Variants in ZNF207 observed in about 807,000 individuals in gnomAD.
ZNF207 encodes BUB3-interacting and GLEBS motif-containing protein ZNF207.
ZNF207 carries 24 observed loss-of-function variants against 60.2 expected under a neutral mutation model. The ratio of observed to expected loss-of-function variants is 0.40; its 90% CI spans 0.29 to 0.56. The LOEUF (loss-of-function observed/expected upper bound fraction) is 0.56. Ranked by LOEUF, ZNF207 falls within the 20% of genes least tolerant of loss-of-function variation. The pLI, the probability that ZNF207 is intolerant of heterozygous loss-of-function variation, is 0.49. For missense variants in ZNF207, 452 were observed against 636.6 expected, an observed-to-expected ratio of 0.71 and a Z score of 3.12; for synonymous variants, 236 against 194.7, an observed-to-expected ratio of 1.21 and a Z score of -1.77.
chr17:32,360,825 A>G, intron 4 of ZNF207, 60 bp downstream of exon 4: 2 of 1,612,322 alleles, frequency 1.2e-6, no homozygotes, highest in Non-Finnish European at 1.7e-6. Context: ...ATTGTATCGA[A>G]GTATTACTTT....
intron 5 of ZNF207, 107 bp from the exon 6 acceptor site, chr17:32,361,361 C>T (rs571064054): frequency 2.6e-4 from 222 of 840,268 alleles, no homozygotes; most frequent in South Asian, 8.2e-4. Flanking sequence ...TGCTTGTGCC[C>T]ATCACTTTTA....
chr17:32,354,427 C>T (rs1025941091), intron 2 of ZNF207, among the ~76,000 whole-genome samples: 6 of 152,078 alleles, frequency 3.9e-5, no homozygotes, highest in African/African-American at 1.2e-4. Context: ...TCTTGTGCAT[C>T]AGCCTTCCAA....
intron 2 of ZNF207, among the ~76,000 whole-genome samples, chr17:32,352,822 A>T (rs2041531444): frequency 6.6e-6 from 1 of 152,144 alleles, no homozygotes; most frequent in Admixed American, 6.5e-5. Flanking sequence ...CGTTCTCCCA[A>T]AGCCCTGGGA....
intron 9 of ZNF207, among the ~76,000 whole-genome samples, 189 bp from the exon 10 acceptor site, chr17:32,367,578 TTAACC>T (rs1192901648): frequency 6.6e-6 from 1 of 152,078 alleles, no homozygotes; most frequent in African/African-American, 2.4e-5. Flanking sequence ...GGGTGTGACT[TTAACC>T]TAGCATCTTT....
intron 2 of ZNF207, among the ~76,000 whole-genome samples, chr17:32,356,645 A>G (rs899730332): frequency 6.6e-6 from 1 of 152,226 alleles, no homozygotes; most frequent in Admixed American, 6.5e-5. Flanking sequence ...TATCTAAGTC[A>G]TTAGCCTAAA....
intron 10 of ZNF207, chr17:32,368,259 A>T: frequency 1.9e-6 from 1 of 531,300 alleles, no homozygotes; most frequent in Non-Finnish European, 3.3e-6. Context: ...AGAAGACAGT[A>T]AGTCAGGTTC....
Position 32,369,184 on chromosome 17 carries a change from G to A in ZNF207, c.1165-111G>A, listed in dbSNP as rs182750253. On this transcript the variant is annotated intron_variant, in intron 10 of 11. Transcript: ENST00000394670. Reference sequence around the variant, plus strand: ...CAAAAGTAAATAGTTGGGATGTAAGGGTAAATTTTTGAAAATTACTCTTAA... The same window carrying A: ...CAAAAGTAAATAGTTGGGATGTAAGAGTAAATTTTTGAAAATTACTCTTAA... The A allele has an allele frequency of 6.6e-6, 8 of 1,220,984 alleles. No homozygotes were observed. The African/African-American group carries it at 1.1e-4, about 16-fold the overall frequency. 75.6% of individuals were successfully genotyped at this position (1,220,984 alleles called of 1,614,324 possible). A position where few individuals can be genotyped will look rare whatever the true frequency, so the allele number is the denominator to read the frequency against.
Position 32,376,145 on chromosome 17 carries a change from T to C in ZNF207, c.*6386T>C, listed in dbSNP as rs1905667663. 6.6e-6 allele frequency: 1 copy of C among 152,028 alleles called. No individual in the cohort carries two copies. The highest frequency in any genetic ancestry group is 1.5e-5 in the Non-Finnish European group (1 of 67,890). 9.4% of individuals were successfully genotyped at this position (152,028 alleles called of 1,614,324 possible). ...AGTTTTCTAAACTACTATCTTAAGC[T>C]CTTAGGCACCCTATTATGGATCTAA... On this transcript the variant is annotated 3_prime_UTR_variant, in exon 12 of 12. Coordinates refer to ENST00000394670, the MANE Select transcript of ZNF207 (RefSeq NM_001098507.2).
intron 2 of ZNF207, among the ~76,000 whole-genome samples, chr17:32,357,632 C>A (rs1211630937): frequency 6.6e-6 from 1 of 151,588 alleles, no homozygotes; most frequent in Non-Finnish European, 1.5e-5. Flanking sequence ...CAGGCGTGAG[C>A]CGCCCCACCT....
In ZNF207 at chr17:32,370,012, G is replaced by C; in HGVS notation, c.*253G>C. The C allele has an allele frequency of 3.0e-6, 1 of 337,182 alleles. No homozygotes were observed. Among genetic ancestry groups the C allele is most frequent in the East Asian group, 5.2e-5 (1 of 19,296 alleles). The allele number at this position is 337,182 out of a possible 1,614,324, so 20.9% of individuals were successfully genotyped here. ...ATGTTTCATCTAGGTTTTTAGAAGTGAAGTATAGTAAATTTGGTTCGTTAA... is the reference window on the plus strand; with the variant it reads ...ATGTTTCATCTAGGTTTTTAGAAGTCAAGTATAGTAAATTTGGTTCGTTAA... On this transcript the variant is annotated 3_prime_UTR_variant, in exon 12 of 12. Transcript: ENST00000394670.
In ZNF207 at chr17:32,366,850, ATACTGTGTT is replaced by A. The variant is rs1905185145; in HGVS notation, c.921+98_921+106del. On this transcript the variant is annotated intron_variant, in intron 9 of 11. Transcript: ENST00000394670. ...AAAAAATGAATATTTTTCCAAAAAT[ATACTGTGTT>A]TACTTTTTTAAAGCAAAATTAATGC... 2.2e-5 allele frequency: 26 copies of A among 1,173,680 alleles called. No homozygotes were observed. The South Asian group carries it at 4.3e-4, about 19-fold the overall frequency. The allele number at this position is 1,173,680 out of a possible 1,614,324, so 72.7% of individuals were successfully genotyped here. A position where few individuals can be genotyped will look rare whatever the true frequency, so the allele number is the denominator to read the frequency against.
intron 10 of ZNF207, chr17:32,369,055 A>G: frequency 2.2e-6 from 1 of 463,794 alleles, no homozygotes; most frequent in South Asian, 3.7e-5. Context: ...TTTCTTGTTG[A>G]AGCAATTTGT....
At position 32,361,489 on chromosome 17, in the gene ZNF207, C is replaced by A; in HGVS notation, c.573C>A (p.Tyr191Ter). The change falls in exon 6 of 12, where the codon TAC (tyrosine) becomes TAA (stop). Residue 191 changes from tyrosine (Y) to a stop codon, truncating the protein, a stop_gained. Transcript: ENST00000394670. LOFTEE classifies it high-confidence loss of function. ...MPPGLHHQRK[Y>*]TQSFCGENIM... ...ACAGATTGCATCATCAGAGAAAATA[C>A]ACCCAGTCATTTTGCGGTGAAAACA... The A allele has an allele frequency of 6.2e-7, 1 of 1,608,324 alleles. No homozygotes were observed. Among genetic ancestry groups the A allele is most frequent in the Non-Finnish European group, 8.5e-7 (1 of 1,177,218 alleles).
At chr17:32,357,348 A>ATTTTTTTTTTT (rs772462101) in intron 2 of ZNF207, among the ~76,000 whole-genome samples, 16 of 77,690 alleles carry the variant, frequency 2.1e-4, no homozygotes, top group African/African-American at 9.3e-4. Flanking sequence ...TATTATTATT[A>ATTTTTTTTTTT]TTATTTTTTT....
At position 32,379,437 on chromosome 17, in the gene ZNF207, A is replaced by G. The variant is rs1333693732; in HGVS notation, c.*9678A>G. ...CAGACTATAAATACAAAAACTTTGA[A>G]CACATAAATTATTTCATTTTGGTGA... On this transcript the variant is annotated 3_prime_UTR_variant, in exon 12 of 12. Transcript: ENST00000394670. 1.3e-5 allele frequency: 2 copies of G among 152,302 alleles called. No individual in the cohort carries two copies. The highest frequency in any genetic ancestry group is 1.9e-4 in the East Asian group (1 of 5,194). The allele number at this position is 152,302 out of a possible 1,614,324, so 9.4% of individuals were successfully genotyped here.
chr17:32,361,042 T>A, intron 5 of ZNF207, 75 bp downstream of exon 5: 1 of 1,486,052 alleles, frequency 6.7e-7, no homozygotes, highest in Non-Finnish European at 9.3e-7. Flanking sequence ...GTTATATGAA[T>A]GAAATGTTAC....
intron 9 of ZNF207, among the ~76,000 whole-genome samples, chr17:32,367,286 A>ATATATATGTATAT (rs1905245956): frequency 2.3e-5 from 1 of 43,348 alleles, no homozygotes; most frequent in Non-Finnish European, 6.4e-5. Context: ...TATATATATA[A>ATATATATGTATAT]AGAATACTAC....
At chr17:32,350,437 C>G in intron 1 of ZNF207, 111 bp downstream of exon 1, 1 of 1,424,954 alleles carries the variant, frequency 7.0e-7, no homozygotes, top group Non-Finnish European at 9.9e-7. Context: ...ATTTAGGCGT[C>G]TGCGTGGGTG....
At chr17:32,367,090 T>TTAGGCCAA (rs1279369476) in intron 9 of ZNF207, among the ~76,000 whole-genome samples, 2 of 151,612 alleles carry the variant, frequency 1.3e-5, no homozygotes, top group Non-Finnish European at 2.9e-5. Flanking sequence ...CTGCTTTGGT[T>TTAGGCCAA]CTAAAGTTGG....
Sources: allele counts gnomAD v4.1 joint callset (sites outside exome capture counted in the v4.1 genomes callset), GRCh38; gene constraint gnomAD v4.1.1; transcripts MANE v1.5; gene names NCBI Gene and HGNC (gene_info 2026-07-23, HGNC 2026-07-21).